KCNMA1: variants seen among roughly 807,000 people sequenced by gnomAD.
The protein encoded by KCNMA1 is potassium calcium-activated channel subfamily M alpha 1.
KCNMA1 carries 29 observed loss-of-function variants against 140.0 expected under a neutral mutation model. The observed-to-expected ratio is 0.21, with a 90% CI of 0.15 to 0.28. The LOEUF is 0.28. Ranked by LOEUF, KCNMA1 falls within the 10% of genes least tolerant of loss-of-function variation. The pLI is 1.00. For synonymous variants in KCNMA1, 612 were observed against 611.9 expected, an observed-to-expected ratio of 1.00 and a Z score of 0.00; for missense variants, 880 against 1,602.2, an observed-to-expected ratio of 0.55 and a Z score of 7.70.
At chr10:76,890,003 G>A (rs879841591) in intron 26 of KCNMA1, among the ~76,000 whole-genome samples, 1 of 152,172 alleles carries the variant, frequency 6.6e-6, no homozygotes, top group Non-Finnish European at 1.5e-5. Flanking sequence ...AACTGTCTGA[G>A]TGATAATGAA....
rs114672347 is a variant in KCNMA1, at chr10:76,922,099, T to C, written c.2903-7050A>G. Among the ~76,000 whole-genome samples, 1,158 of 152,312 alleles carry C rather than the reference T, an allele frequency of 7.6e-3. 15 individuals are homozygous for C. Among genetic ancestry groups the C allele is most frequent in the African/African-American group, 0.026 (1,101 of 41,572 alleles). On this transcript the variant is annotated intron_variant, in intron 23 of 27. Transcript: ENST00000286628. ...TGTGACTCCCCCGCACAAAGCCTAA[T>C]GACAGTGCTTGGAAACTGTATAAAC...
intron 2 of KCNMA1, among the ~76,000 whole-genome samples, chr10:77,257,752 C>G (rs1426753566): frequency 2.1e-4 from 32 of 152,140 alleles, no homozygotes; most frequent in Admixed American, 2.1e-3. Context: ...ATAAGTCTCA[C>G]AAGATCAGAT....
At chr10:77,155,754 C>T (rs1231567802) in intron 5 of KCNMA1, among the ~76,000 whole-genome samples, 1 of 152,108 alleles carries the variant, frequency 6.6e-6, no homozygotes. Flanking sequence ...CTTTAAAATG[C>T]AAGACTTTAC....
At chr10:77,371,651 C>G (rs547402257) in intron 2 of KCNMA1, among the ~76,000 whole-genome samples, 8 of 152,300 alleles carry the variant, frequency 5.3e-5, no homozygotes, top group Non-Finnish European at 8.8e-5. Context: ...CCCCACCGGT[C>G]CCCTCATTGC....
chr10:77,238,718 C>T (rs1268074104), intron 3 of KCNMA1, among the ~76,000 whole-genome samples: 2 of 152,206 alleles, frequency 1.3e-5, no homozygotes, highest in Non-Finnish European at 2.9e-5. Context: ...GAAGATGGCC[C>T]TCTGGCAGTC....
chr10:76,916,080 A>AATAT (rs2052755381), intron 23 of KCNMA1, among the ~76,000 whole-genome samples: 1 of 152,076 alleles, frequency 6.6e-6, no homozygotes, highest in Non-Finnish European at 1.5e-5. Context: ...ACATACACAC[A>AATAT]ATATAATAAG....
chr10:77,237,814 A>C (rs1398567509), intron 3 of KCNMA1, among the ~76,000 whole-genome samples: 1 of 152,146 alleles, frequency 6.6e-6, no homozygotes, highest in Non-Finnish European at 1.5e-5. Flanking sequence ...ACAAATATGA[A>C]TATACAATTC....
intron 6 of KCNMA1, among the ~76,000 whole-genome samples, chr10:77,119,650 T>G (rs116360532): frequency 0.026 from 3,972 of 152,180 alleles, 163 homozygotes; most frequent in African/African-American, 0.09. Flanking sequence ...TTATTGGCAA[T>G]CAGAAAAACA....
chr10:77,373,470 G>T (rs550600124), intron 2 of KCNMA1, among the ~76,000 whole-genome samples: 1 of 152,114 alleles, frequency 6.6e-6, no homozygotes. Context: ...AACATCTTAC[G>T]GAGTTATTTT....
At chr10:76,899,152 G>GA (rs2043938428) in intron 25 of KCNMA1, among the ~76,000 whole-genome samples, 1 of 151,934 alleles carries the variant, frequency 6.6e-6, no homozygotes, top group Non-Finnish European at 1.5e-5. Context: ...AGAGTATTAG[G>GA]AAAAAAGGAA....
intron 17 of KCNMA1, among the ~76,000 whole-genome samples, chr10:77,016,046 T>C (rs1301052508): frequency 6.6e-6 from 1 of 152,164 alleles, no homozygotes; most frequent in African/African-American, 2.4e-5. Context: ...AACCTTTCTA[T>C]AAAGTGCTTT....
intron 13 of KCNMA1, among the ~76,000 whole-genome samples, chr10:77,077,226 A>T (rs753030756): frequency 6.6e-6 from 1 of 152,238 alleles, no homozygotes; most frequent in East Asian, 1.9e-4. Flanking sequence ...ATATGAAAGA[A>T]CAACAACAAC....
chr10:77,577,036 G>A (rs1449793193), intron 1 of KCNMA1, among the ~76,000 whole-genome samples: 1 of 152,040 alleles, frequency 6.6e-6, no homozygotes, highest in East Asian at 1.9e-4. Flanking sequence ...CAGATGTGAA[G>A]TAGCATGCCA....
chr10:77,630,423 A>G (rs2093044211), intron 1 of KCNMA1, among the ~76,000 whole-genome samples: 1 of 152,134 alleles, frequency 6.6e-6, no homozygotes, highest in Non-Finnish European at 1.5e-5. Context: ...TGGCCACCAC[A>G]ACCCAACCCT....
At chr10:76,873,469 AG>A (rs2151380005), downstream of KCNMA1, 1 of 152,370 alleles carries the variant, frequency 6.6e-6, no homozygotes, top group East Asian at 1.9e-4. Flanking sequence ...AGGATCAGAA[AG>A]GTAATTTACC....
chr10:77,335,585 T>C (rs1351753107), intron 2 of KCNMA1, among the ~76,000 whole-genome samples: 2 of 152,322 alleles, frequency 1.3e-5, no homozygotes, highest in South Asian at 2.1e-4. Context: ...GTGATTCTAA[T>C]GTGTAACTAG....
At chr10:77,252,631 C>T (rs1016893742) in intron 2 of KCNMA1, among the ~76,000 whole-genome samples, 4 of 151,746 alleles carry the variant, frequency 2.6e-5, no homozygotes, top group Non-Finnish European at 5.9e-5. Context: ...CACACACACT[C>T]CTGTATTTTT....
intron 3 of KCNMA1, among the ~76,000 whole-genome samples, chr10:77,222,611 T>C (rs937390162): frequency 1.3e-5 from 2 of 152,184 alleles, no homozygotes; most frequent in Non-Finnish European, 2.9e-5. Flanking sequence ...TGTTGGGACT[T>C]CCAGAACAGC....
intron 2 of KCNMA1, among the ~76,000 whole-genome samples, chr10:77,377,680 G>A (rs561233204): frequency 9.6e-4 from 146 of 152,318 alleles, no homozygotes; most frequent in Non-Finnish European, 1.7e-3. Flanking sequence ...TGTACACAGA[G>A]CTCCAGGCCT....
Sources: allele counts gnomAD v4.1 joint callset (sites outside exome capture counted in the v4.1 genomes callset), GRCh38; gene constraint gnomAD v4.1.1; transcripts MANE v1.5; gene names NCBI Gene and HGNC (gene_info 2026-07-23, HGNC 2026-07-21).